PSG9: variants seen among roughly 807,000 people sequenced by gnomAD.
PSG9 encodes the protein pregnancy-specific beta-1-glycoprotein 9.
In PSG9, 49 loss-of-function variants were observed where a neutral mutation model predicts 41.9. The observed-to-expected ratio is 1.17, with a 90% confidence interval of 0.93 to 1.48. PSG9 has a LOEUF of 1.48. Ranked by LOEUF, PSG9 falls within the 40% of genes most tolerant of loss-of-function variation. PSG9 has a pLI of 0.00. For synonymous variants in PSG9, 263 were observed against 196.8 expected, an observed-to-expected ratio of 1.34 and a Z score of -2.82; for missense variants, 641 against 520.3, an observed-to-expected ratio of 1.23 and a Z score of -2.26.
intron 1 of PSG9, 40 bp from the exon 2 acceptor site, chr19:43,268,189 T>A (rs777726732): frequency 2.6e-5 from 40 of 1,542,272 alleles, no homozygotes; most frequent in Non-Finnish European, 3.5e-5. Context: ...TTGAGACCTA[T>A]GTATTGTGGT....
At position 43,257,869 on chromosome 19, in the gene PSG9, G is replaced by A. The variant is rs188054749; in HGVS notation, c.1243+333C>T. The A allele has an allele frequency of 7.3e-5, 101 of 1,382,472 alleles. 27 individuals are homozygous for A. In the East Asian group the frequency reaches 3.3e-3, roughly 45 times the overall value. The allele number at this position is 1,382,472 out of a possible 1,614,324, so 85.6% of individuals were successfully genotyped here. The stretch of plus-strand genomic sequence containing the variant: ...ACAAGAAAAAAAAGACGTGGCAGAA[G>A]GGGATGTGTCGGTGACAGCGAGAAG... On this transcript the variant is annotated intron_variant, in intron 5 of 5. Transcript: ENST00000270077.
At chr19:43,263,161 A>T (rs187163755) in intron 2 of PSG9, among the ~76,000 whole-genome samples, 166 of 152,240 alleles carry the variant, frequency 1.1e-3, no homozygotes, top group African/African-American at 3.7e-3. Flanking sequence ...TGAATCAGAA[A>T]GTAGAATAGT....
chr19:43,266,181 G>A (rs754942927), intron 2 of PSG9, among the ~76,000 whole-genome samples: 3 of 151,926 alleles, frequency 2.0e-5, no homozygotes, highest in Middle Eastern at 3.2e-3. Flanking sequence ...GGTGCCCCCA[G>A]TTCCACAGTC....
In PSG9 at chr19:43,258,874, A is replaced by G. The variant is rs772210327; in HGVS notation, c.971T>C (p.Val324Ala). ...ATACTCACAGAGGACATTTAGGATG[A>G]CTGGGTTACTGCGGAGGCCACCATA... is the stretch of plus-strand genomic sequence containing the variant. ...DRYGGLRSNP[V>A]ILNVLYGPDL... Residue 324 changes from valine to alanine, a missense_variant, in exon 4 of 6, where the codon GTC becomes GCC. Physicochemically the swap from Val to Ala is moderately conservative, Grantham distance 64. Transcript: ENST00000270077. 14 of 1,583,244 alleles carry G rather than the reference A, an allele frequency of 8.8e-6. 2 individuals carry two copies. Among genetic ancestry groups the G allele is most frequent in the Non-Finnish European group, 1.1e-5 (13 of 1,169,076 alleles).
Position 43,269,353 on chromosome 19 carries a change from A to C in PSG9, c.64+15T>G. ...CTTCCTCCCCCTGTCCTCTCCCAGG[A>C]AGTTCTCTCCTCACCTGTGAGCAGG... On this transcript the variant is annotated intron_variant, in intron 1 of 5. Transcript: ENST00000270077. 1 of 1,613,320 alleles carries C rather than the reference A, an allele frequency of 6.2e-7. No homozygotes were observed. The highest frequency in any genetic ancestry group is 1.1e-5 in the South Asian group (1 of 91,058).
chr19:43,259,332 G>T (rs1968601047), intron 3 of PSG9, 197 bp from the exon 4 acceptor site: 7 of 1,072,034 alleles, frequency 6.5e-6, no homozygotes, highest in Middle Eastern at 3.2e-4. Flanking sequence ...CTCTGTCTTA[G>T]GGAAGCACAG....
intron 2 of PSG9, 73 bp downstream of exon 2, chr19:43,267,711 T>A (rs1389311972): frequency 6.3e-7 from 1 of 1,599,950 alleles, no homozygotes; most frequent in Non-Finnish European, 8.6e-7. Flanking sequence ...AGTCCAGGCC[T>A]GACAATCCTG....
Position 43,267,764 on chromosome 19 carries a change from G to C in PSG9, c.430+20C>G, listed in dbSNP as rs1388935662. The C allele has an allele frequency of 6.8e-6, 11 of 1,612,530 alleles. No homozygotes were observed. In the East Asian group the frequency reaches 2.5e-4, roughly 36 times the overall value. The stretch of plus-strand genomic sequence containing the variant: ...TGACCCCTTCCCCCCAACACCCAGG[G>C]ATCATGTGGAATCACTCACAGTATA... On this transcript the variant is annotated intron_variant, in intron 2 of 5. Coordinates refer to ENST00000270077, the MANE Select transcript of PSG9 (RefSeq NM_002784.5).
At chr19:43,266,237 A>C (rs1198805983) in intron 2 of PSG9, among the ~76,000 whole-genome samples, 2 of 151,954 alleles carry the variant, frequency 1.3e-5, no homozygotes. Flanking sequence ...AAAGAGCTTC[A>C]GAGTTACATG....
chr19:43,258,927 T>A lies in PSG9; in HGVS notation c.918A>T (p.Gly306=). 1 of 1,589,570 alleles carries A rather than the reference T, an allele frequency of 6.3e-7. No homozygotes were observed. Among genetic ancestry groups the A allele is most frequent in the Non-Finnish European group, 8.5e-7 (1 of 1,174,044 alleles). The part of the protein sequence containing the change: ...ILPSVTRNET[G]PYQCEIRDRY... ...GGTCCCGTATTTCACATTGATAGGG[T>A]CCTGTTTCATTTCTCGTGACACTGG... The change falls in exon 4 of 6, where the codon GGA becomes GGT. Residue 306 remains glycine (G), a synonymous_variant. Transcript: ENST00000270077.
chr19:43,267,800 GA>G lies in PSG9; in HGVS notation c.413del (p.Phe138SerfsTer19). The G allele has an allele frequency of 6.2e-7, 1 of 1,612,972 alleles. No homozygotes were observed. The highest frequency in any genetic ancestry group is 1.3e-5 in the African/African-American group (1 of 74,982). ...GDETREEIRH[F>X]TFTLYLETPK... is the part of the protein sequence containing the mutation. ...ATCACTCACAGTATAAGGTGAAGGT[GA>G]AATGTCGAATTTCTTCTCTAGTCTC... On this transcript the variant is annotated frameshift_variant, in exon 2 of 6. Transcript: ENST00000270077. LOFTEE classifies it high-confidence loss of function.
intron 1 of PSG9, 140 bp from the exon 2 acceptor site, chr19:43,268,289 A>C (rs1390602805): frequency 1.2e-5 from 16 of 1,312,320 alleles, no homozygotes; most frequent in Admixed American, 1.2e-4. Flanking sequence ...AACACACACA[A>C]AAAACGGGCA....
At chr19:43,267,197 C>A (rs115749421) in intron 2 of PSG9, among the ~76,000 whole-genome samples, 262 of 152,248 alleles carry the variant, frequency 1.7e-3, no homozygotes, top group African/African-American at 6.2e-3. Flanking sequence ...CTCTGAGTGT[C>A]AGCTGAAAAA....
chr19:43,261,972 G>A lies in PSG9; in HGVS notation c.597C>T (p.Asn199=), dbSNP rs765249465. 7 of 1,614,068 alleles carry A rather than the reference G, an allele frequency of 4.3e-6. No homozygotes were observed. Among genetic ancestry groups the A allele is most frequent in the Non-Finnish European group, 5.9e-6 (7 of 1,179,938 alleles). The change falls in exon 3 of 6, where the codon AAC becomes AAT. Residue 199 remains asparagine, a synonymous_variant. Transcript: ENST00000270077. Reference sequence around the variant, plus strand: ...TGACACCAAATAGATAGAGGGTCCTGTTGGTTTTGGACAGCTGCAACCTGT... The same window carrying A: ...TGACACCAAATAGATAGAGGGTCCTATTGGTTTTGGACAGCTGCAACCTGT... ...VTHRLQLSKT[N]RTLYLFGVTK...
intron 5 of PSG9, among the ~76,000 whole-genome samples, chr19:43,254,888 G>A (rs1478005151): frequency 2.8e-5 from 4 of 144,146 alleles, no homozygotes; most frequent in Non-Finnish European, 6.0e-5. Flanking sequence ...CAGGTGTTTG[G>A]ACCAGCATAG....
chr19:43,263,602 A>AT (rs937966338), intron 2 of PSG9, among the ~76,000 whole-genome samples: 144 of 152,184 alleles, frequency 9.5e-4, no homozygotes, highest in African/African-American at 3.4e-3. Flanking sequence ...AAAAAAAAAA[A>AT]AAAATTTGGA....
chr19:43,259,870 G>T (rs1400856848), intron 3 of PSG9: 2 of 147,096 alleles, frequency 1.4e-5, no homozygotes, highest in Admixed American at 6.8e-5. Flanking sequence ...TCTCTGTCCT[G>T]GGTTCTTTAA....
chr19:43,258,910 A>G lies in PSG9; in HGVS notation c.935T>C (p.Ile312Thr). ...GCGGAGGCCACCATATCGGTCCCGT[A>G]TTTCACATTGATAGGGTCCTGTTTC... ...RNETGPYQCE[I>T]RDRYGGLRSN... Residue 312 changes from isoleucine to threonine, a missense_variant, in exon 4 of 6, where the codon ATA becomes ACA. By Grantham distance (89) the Ile-to-Thr change is moderately conservative. Transcript: ENST00000270077. The G allele has an allele frequency of 2.5e-6, 4 of 1,589,082 alleles. 1 individual carries two copies. The highest frequency in any genetic ancestry group is 2.8e-5 in the African/African-American group (2 of 70,262).
intron 2 of PSG9, among the ~76,000 whole-genome samples, chr19:43,264,615 G>C (rs1414653942): frequency 2.6e-5 from 4 of 151,976 alleles, no homozygotes; most frequent in African/African-American, 9.7e-5. Context: ...CCACCACCAC[G>C]CCCGGCTAAT....
Sources: gnomAD v4.1 joint callset for allele counts (sites outside exome capture counted in the v4.1 genomes callset) on GRCh38, gnomAD v4.1.1 for gene constraint, MANE v1.5 for transcripts, NCBI Gene and HGNC (gene_info 2026-07-23, HGNC 2026-07-21) for gene names.